Variants in ANKRD63 observed in about 807,000 individuals in gnomAD.
ANKRD63 encodes the protein ankyrin repeat domain-containing protein 63.
ANKRD63 carries 18 observed loss-of-function variants against 21.2 expected under a neutral mutation model. The observed-to-expected ratio is 0.85, with a 90% CI of 0.59 to 1.26. ANKRD63 has a LOEUF of 1.26. Ranked by LOEUF, ANKRD63 falls within the 50% of genes most tolerant of loss-of-function variation. ANKRD63 has a pLI of 0.00. For missense variants in ANKRD63, 523 were observed against 570.9 expected, an observed-to-expected ratio of 0.92 and a Z score of 0.85; for synonymous variants, 322 against 273.3, an observed-to-expected ratio of 1.18 and a Z score of -1.76.
At position 40,282,494 on chromosome 15, in the gene ANKRD63, C is replaced by G. The variant is rs1223254928; in HGVS notation, c.93G>C (p.Val31=). 19 of 1,519,536 alleles carry G rather than the reference C, an allele frequency of 1.3e-5. No individual in the cohort carries two copies. The highest frequency in any genetic ancestry group is 7.0e-6 in the Non-Finnish European group (8 of 1,141,226). The allele number at this position is 1,519,536 out of a possible 1,614,324, so 94.1% of individuals were successfully genotyped here. A position where few individuals can be genotyped will look rare whatever the true frequency, so the allele number is the denominator to read the frequency against. The change falls in exon 1 of 1, where the codon GTG becomes GTC. Residue 31 remains valine, a synonymous_variant. Coordinates refer to ENST00000434396, the MANE Select transcript of ANKRD63 (RefSeq NM_001190479.3). ...TGATGCTGCGGTCCAGCGCATCCAA[C>G]ACGAAGCGGGCCAAGTGCACTTTGC... The part of the protein sequence containing the change: ...QAGKVHLARF[V]LDALDRSIID...
chr15:40,282,257 G>A lies in ANKRD63; in HGVS notation c.330C>T (p.Pro110=), dbSNP rs1028348617. Residue 110 remains proline (P), a synonymous_variant, in exon 1 of 1, where the codon CCC becomes CCT. Coordinates refer to ENST00000434396, the MANE Select transcript of ANKRD63 (RefSeq NM_001190479.3). The part of the protein sequence containing the change: ...VQLLVQFSGD[P]EAADSAGNSP... ...TGTTGCCCGCAGAGTCGGCCGCCTC[G>A]GGGTCACCGCTGAACTGCACCAGCA... is the stretch of plus-strand genomic sequence containing the variant. 1 of 1,519,768 alleles carries A rather than the reference G, an allele frequency of 6.6e-7. No homozygotes were observed. Among genetic ancestry groups the A allele is most frequent in the Middle Eastern group, 1.9e-4 (1 of 5,236 alleles). The allele number at this position is 1,519,768 out of a possible 1,614,324, so 94.1% of individuals were successfully genotyped here.
chr15:40,280,553 A>T lies in ANKRD63; in HGVS notation c.*891T>A, dbSNP rs1595612752. Among the ~76,000 whole-genome samples the T allele has an allele frequency of 6.6e-6, 1 of 152,108 alleles. No homozygotes were observed. Among genetic ancestry groups the T allele is most frequent in the East Asian group, 1.9e-4 (1 of 5,194 alleles). Reference sequence around the variant, plus strand: ...GGAGCTGGGAGGCGTGGAGGCGGGGAAGCGCTCAGTCCTTTCCATTTCAGG... The same window carrying T: ...GGAGCTGGGAGGCGTGGAGGCGGGGTAGCGCTCAGTCCTTTCCATTTCAGG... On this transcript the variant is annotated 3_prime_UTR_variant, in exon 1 of 1. Coordinates refer to ENST00000434396, the MANE Select transcript of ANKRD63 (RefSeq NM_001190479.3).
In ANKRD63 at chr15:40,279,137, C is replaced by G. The variant is rs1159874437; in HGVS notation, c.*2307G>C. Reference sequence around the variant, plus strand: ...CTTTTCAGGCACTTGGTATTGTGCACCCACCACCCAGACGGGGACTGAGGA... The same window carrying G: ...CTTTTCAGGCACTTGGTATTGTGCAGCCACCACCCAGACGGGGACTGAGGA... On this transcript the variant is annotated 3_prime_UTR_variant, in exon 1 of 1. Coordinates refer to ENST00000434396, the MANE Select transcript of ANKRD63 (RefSeq NM_001190479.3). Among the ~76,000 whole-genome samples the G allele has an allele frequency of 6.6e-6, 1 of 151,042 alleles. No homozygotes were observed. Among genetic ancestry groups the G allele is most frequent in the Non-Finnish European group, 1.5e-5 (1 of 67,798 alleles).
chr15:40,280,683 G>A lies in ANKRD63; in HGVS notation c.*761C>T, dbSNP rs113054975. The stretch of plus-strand genomic sequence containing the variant: ...TGAGCTGAAGAGCGGGCTGGCTCTG[G>A]AGCCCGGAGTTGGCCTGGGTAGGGG... On this transcript the variant is annotated 3_prime_UTR_variant, in exon 1 of 1. Transcript: ENST00000434396. Among the ~76,000 whole-genome samples, 872 of 152,368 alleles carry A rather than the reference G, an allele frequency of 5.7e-3. 11 individuals carry two copies. The highest frequency in any genetic ancestry group is 0.024 in the Middle Eastern group (7 of 294).
In ANKRD63 at chr15:40,280,772, C is replaced by G. The variant is rs1295208344; in HGVS notation, c.*672G>C. Among the ~76,000 whole-genome samples the G allele has an allele frequency of 1.3e-5, 2 of 152,230 alleles. No homozygotes were observed. The highest frequency in any genetic ancestry group is 2.9e-5 in the Non-Finnish European group (2 of 68,044). On this transcript the variant is annotated 3_prime_UTR_variant, in exon 1 of 1. Transcript: ENST00000434396. ...AATCCTGGGGCAGAGAGAGAGGGAGCTGGAGTTACCCAGGAGCTGATTCAA... is the reference window on the plus strand; with the variant it reads ...AATCCTGGGGCAGAGAGAGAGGGAGGTGGAGTTACCCAGGAGCTGATTCAA...
chr15:40,281,942 C>G lies in ANKRD63; in HGVS notation c.645G>C (p.Pro215=), dbSNP rs868671002. The stretch of plus-strand genomic sequence containing the variant: ...GCGCAAAGCGCGCCAGGAGAGGCCG[C>G]GGGAGGCGGCGGGGGCTGGGTCGTC... ...EHRRPSPRRL[P]RPLLARFARA... Residue 215 remains proline, a synonymous_variant, in exon 1 of 1, where the codon CCG becomes CCC. Coordinates refer to ENST00000434396, the MANE Select transcript of ANKRD63 (RefSeq NM_001190479.3). 16 of 1,312,992 alleles carry G rather than the reference C, an allele frequency of 1.2e-5. No individual in the cohort carries two copies. The Middle Eastern group carries it at 1.1e-3, about 93-fold the overall frequency. 81.3% of individuals were successfully genotyped at this position (1,312,992 alleles called of 1,614,324 possible). A position where few individuals can be genotyped will look rare whatever the true frequency, so the allele number is the denominator to read the frequency against.
In ANKRD63 at chr15:40,281,594, G is replaced by A. The variant is rs1369816372; in HGVS notation, c.993C>T (p.Ser331=). The change falls in exon 1 of 1, where the codon TCC becomes TCT. Residue 331 remains serine (S), a synonymous_variant. Coordinates refer to ENST00000434396, the MANE Select transcript of ANKRD63 (RefSeq NM_001190479.3). ...CCAGGCTGGGGATATCTGGGGCTGT[G>A]GAGCGTCGGCGCAAACCCAGGCGGC... The part of the protein sequence containing the change: ...GSGRLGLRRR[S]TAPDIPSLVG... 1 of 1,531,534 alleles carries A rather than the reference G, an allele frequency of 6.5e-7. No homozygotes were observed. The allele number at this position is 1,531,534 out of a possible 1,614,324, so 94.9% of individuals were successfully genotyped here. A position where few individuals can be genotyped will look rare whatever the true frequency, so the allele number is the denominator to read the frequency against.
chr15:40,281,729 A>C lies in ANKRD63; in HGVS notation c.858T>G (p.Ser286=). 2.0e-6 allele frequency: 3 copies of C among 1,535,110 alleles called. No homozygotes were observed. Among genetic ancestry groups the C allele is most frequent in the Non-Finnish European group, 2.6e-6 (3 of 1,146,560 alleles). Reference sequence around the variant, plus strand: ...GTGAGCGCCACCGCCCAGTCCCCGAAGACTGGGGCGAGTTTGGTAGGGCCA... The same window carrying C: ...GTGAGCGCCACCGCCCAGTCCCCGACGACTGGGGCGAGTTTGGTAGGGCCA... ...ALMALPNSPQ[S]SGTGRWRSQE... Residue 286 remains serine, a synonymous_variant, in exon 1 of 1, where the codon TCT becomes TCG. Coordinates refer to ENST00000434396, the MANE Select transcript of ANKRD63 (RefSeq NM_001190479.3).
At position 40,282,122 on chromosome 15, in the gene ANKRD63, G is replaced by A. The variant is rs1458964157; in HGVS notation, c.465C>T (p.Leu155=). The change falls in exon 1 of 1, where the codon CTC becomes CTT. Residue 155 remains leucine, a synonymous_variant. Coordinates refer to ENST00000434396, the MANE Select transcript of ANKRD63 (RefSeq NM_001190479.3). ...LRLDRTNRAG[L]TALQLAAARG... ...GGGCGGCGGCCAGTTGCAGCGCGGT[G>A]AGCCCCGCACGGTTGGTGCGGTCGA... 3.1e-5 allele frequency: 44 copies of A among 1,430,368 alleles called. 1 individual carries two copies. The East Asian group carries it at 1.2e-3, about 39-fold the overall frequency. 88.6% of individuals were successfully genotyped at this position (1,430,368 alleles called of 1,614,324 possible).
rs1236911188 is a variant in ANKRD63, at chr15:40,282,296, C to T, written c.291G>A (p.Leu97=). ...ALSLACERGH[L]DAVQLLVQFS... ...ACTGCACCAGCAGCTGCACGGCGTC[C>T]AGGTGGCCTCGCTCGCACGCCAGGC... Residue 97 remains leucine (L), a synonymous_variant, in exon 1 of 1, where the codon CTG becomes CTA. Transcript: ENST00000434396. 14 of 1,518,390 alleles carry T rather than the reference C, an allele frequency of 9.2e-6. No homozygotes were observed. The highest frequency in any genetic ancestry group is 1.2e-5 in the Non-Finnish European group (14 of 1,140,868). The allele number at this position is 1,518,390 out of a possible 1,614,324, so 94.1% of individuals were successfully genotyped here.
Position 40,282,181 on chromosome 15 carries a change from G to A in ANKRD63, c.406C>T (p.Leu136=). 1 of 1,496,296 alleles carries A rather than the reference G, an allele frequency of 6.7e-7. No individual in the cohort carries two copies. Among genetic ancestry groups the A allele is most frequent in the Non-Finnish European group, 8.8e-7 (1 of 1,131,580 alleles). The allele number at this position is 1,496,296 out of a possible 1,614,324, so 92.7% of individuals were successfully genotyped here. A position where few individuals can be genotyped will look rare whatever the true frequency, so the allele number is the denominator to read the frequency against. The stretch of plus-strand genomic sequence containing the variant: ...CCTAGGCGGCGGAAGGACCGCACCA[G>A]GAACTCGAGCACCGCCCCGTGGCCG... ...ACGHGAVLEF[L]VRSFRRLGLR... Residue 136 remains leucine (L), a synonymous_variant, in exon 1 of 1, where the codon CTG becomes TTG. Transcript: ENST00000434396.
In ANKRD63 at chr15:40,279,962, C is replaced by A. The variant is rs1364080581; in HGVS notation, c.*1482G>T. ...GCACCCGTCCCGCCGGACCCCCGCC[C>A]CCAACCCCGCCGCCTCGCTAGGCCA... On this transcript the variant is annotated 3_prime_UTR_variant, in exon 1 of 1. Transcript: ENST00000434396. Among the ~76,000 whole-genome samples, 2 of 152,244 alleles carry A rather than the reference C, an allele frequency of 1.3e-5. No homozygotes were observed. The highest frequency in any genetic ancestry group is 6.5e-5 in the Admixed American group (1 of 15,290).
rs1393430688 is a variant in ANKRD63 at position 40,282,554 on chromosome 15, C to T, written c.33G>A (p.Ala11=). 3 of 1,470,570 alleles carry T rather than the reference C, an allele frequency of 2.0e-6. No homozygotes were observed. 91.1% of individuals were successfully genotyped at this position (1,470,570 alleles called of 1,614,324 possible). ...TGGCCTCCAGGAAGGTGCGCGTCCC[C>T]GCTCGGGGGCACAGGTCCTTGGGTT... is the stretch of plus-strand genomic sequence containing the variant. The part of the protein sequence containing the change: MLKPKDLCPR[A]GTRTFLEAMQ... Residue 11 remains alanine (A), a synonymous_variant, in exon 1 of 1, where the codon GCG becomes GCA. Coordinates refer to ENST00000434396, the MANE Select transcript of ANKRD63 (RefSeq NM_001190479.3).
In ANKRD63 at chr15:40,282,554, C is replaced by G; in HGVS notation, c.33G>C (p.Ala11=). ...TGGCCTCCAGGAAGGTGCGCGTCCC[C>G]GCTCGGGGGCACAGGTCCTTGGGTT... MLKPKDLCPR[A]GTRTFLEAMQ... is the part of the protein sequence containing the mutation. The change falls in exon 1 of 1, where the codon GCG becomes GCC. Residue 11 remains alanine, a synonymous_variant. Coordinates refer to ENST00000434396, the MANE Select transcript of ANKRD63 (RefSeq NM_001190479.3). 2.0e-6 allele frequency: 3 copies of G among 1,470,678 alleles called. No homozygotes were observed. Among genetic ancestry groups the G allele is most frequent in the Non-Finnish European group, 2.7e-6 (3 of 1,117,168 alleles). 91.1% of individuals were successfully genotyped at this position (1,470,678 alleles called of 1,614,324 possible). A position where few individuals can be genotyped will look rare whatever the true frequency, so the allele number is the denominator to read the frequency against.
At position 40,281,977 on chromosome 15, in the gene ANKRD63, G is replaced by A. The variant is rs112642431; in HGVS notation, c.610C>T (p.Pro204Ser). The change falls in exon 1 of 1, where the codon CCC becomes TCC. Residue 204 changes from proline (P) to serine (S), a missense_variant. Around this residue, in one of 2 missense-constraint regions of ANKRD63, gnomAD observed 308 missense variants for 290.4 expected, o/e 1.06. Transcript: ENST00000434396. ...CGGGGGCTGGGTCGTCGATGCTCGGGGCTGGCCGCGGGGGCCGGGCGGCCA... is the reference window on the plus strand; with the variant it reads ...CGGGGGCTGGGTCGTCGATGCTCGGAGCTGGCCGCGGGGGCCGGGCGGCCA... ...PPGRPAPAASPEHRRPSPRRL... is the reference protein window; with the variant it reads ...PPGRPAPAASSEHRRPSPRRL... 2.5e-6 allele frequency: 3 copies of A among 1,221,694 alleles called. No individual in the cohort carries two copies. Among genetic ancestry groups the A allele is most frequent in the African/African-American group, 3.2e-5 (2 of 61,746 alleles). 75.7% of individuals were successfully genotyped at this position (1,221,694 alleles called of 1,614,324 possible). A position where few individuals can be genotyped will look rare whatever the true frequency, so the allele number is the denominator to read the frequency against.
Position 40,281,888 on chromosome 15 carries a change from A to C in ANKRD63, c.699T>G (p.Ala233=), listed in dbSNP as rs1286090100. The change falls in exon 1 of 1, where the codon GCT becomes GCG. Residue 233 remains alanine, a synonymous_variant. Transcript: ENST00000434396. ...GGCCCGAATTCTTGCCCGCTGAGCC[A>C]GCCTCGCCGCCGTGGCCGCCCGCCG... ...ARAAGGHGGE[A]GSAGKNSGRH... is the part of the protein sequence containing the mutation. The C allele has an allele frequency of 1.4e-6, 2 of 1,435,140 alleles. No homozygotes were observed. Among genetic ancestry groups the C allele is most frequent in the East Asian group, 2.9e-5 (1 of 34,914 alleles). 88.9% of individuals were successfully genotyped at this position (1,435,140 alleles called of 1,614,324 possible). A position where few individuals can be genotyped will look rare whatever the true frequency, so the allele number is the denominator to read the frequency against.
Position 40,281,334 on chromosome 15 carries a change from AATGG to A in ANKRD63, c.*106_*109del. On this transcript the variant is annotated 3_prime_UTR_variant, in exon 1 of 1. Coordinates refer to ENST00000434396, the MANE Select transcript of ANKRD63 (RefSeq NM_001190479.3). ...GCCTTGGCAGGGAGGCAGGTTCCAA[AATGG>A]ACTGCGGGGGGCGGCTGCCGAAAAG... 1.0e-6 allele frequency: 1 copy of A among 991,908 alleles called. No homozygotes were observed. Among genetic ancestry groups the A allele is most frequent in the East Asian group, 3.2e-5 (1 of 31,020 alleles). The allele number at this position is 991,908 out of a possible 1,614,324, so 61.4% of individuals were successfully genotyped here. A position where few individuals can be genotyped will look rare whatever the true frequency, so the allele number is the denominator to read the frequency against.
Position 40,281,460 on chromosome 15 carries a change from A to T in ANKRD63, c.1127T>A (p.Leu376Gln), listed in dbSNP as rs772729081. The change falls in exon 1 of 1, where the codon CTG (leucine) becomes CAG (glutamine). Residue 376 changes from leucine to glutamine, a missense_variant. Leu to Gln is a moderately radical substitution (Grantham distance 113). This residue lies in a region of ANKRD63 where 308 missense variants were observed against 290.4 expected (regional missense o/e 1.06). Coordinates refer to ENST00000434396, the MANE Select transcript of ANKRD63 (RefSeq NM_001190479.3). ...TGGCGCCGTTTACCGCTGAGCACGC[A>T]GCACCACAGCCTCGGTGCCCGCCTG... ...PWQAGTEAVV[L>Q]RAQR The T allele has an allele frequency of 3.6e-5, 51 of 1,419,468 alleles. No homozygotes were observed. The South Asian group carries it at 7.7e-4, about 21-fold the overall frequency. The allele number at this position is 1,419,468 out of a possible 1,614,324, so 87.9% of individuals were successfully genotyped here. A position where few individuals can be genotyped will look rare whatever the true frequency, so the allele number is the denominator to read the frequency against.
chr15:40,281,502 G>A lies in ANKRD63; in HGVS notation c.1085C>T (p.Pro362Leu), dbSNP rs533477486. The A allele has an allele frequency of 1.3e-4, 195 of 1,476,372 alleles. 1 individual carries two copies. The African/African-American group carries it at 2.5e-3, about 19-fold the overall frequency. The allele number at this position is 1,476,372 out of a possible 1,614,324, so 91.5% of individuals were successfully genotyped here. A position where few individuals can be genotyped will look rare whatever the true frequency, so the allele number is the denominator to read the frequency against. The change falls in exon 1 of 1, where the codon CCT becomes CTT. Residue 362 changes from proline to leucine, a missense_variant. Pro to Leu is a moderately conservative substitution (Grantham distance 98). This residue lies in a region of ANKRD63 where 308 missense variants were observed against 290.4 expected (regional missense o/e 1.06). Coordinates refer to ENST00000434396, the MANE Select transcript of ANKRD63 (RefSeq NM_001190479.3). ...GCCCGCCTGCCAAGGGTTCGGCCCA[G>A]GCACCGAGACAGACAGAGCGTTGGC... ...LEANALSVSV[P>L]GPNPWQAGTE...
Sources: allele counts gnomAD v4.1 joint callset (sites outside exome capture counted in the v4.1 genomes callset), GRCh38; gene constraint gnomAD v4.1.1; regional missense constraint gnomAD v4.1.1; transcripts MANE v1.5; gene names NCBI Gene and HGNC (gene_info 2026-07-23, HGNC 2026-07-21).